ARL1: variants seen among roughly 807,000 people sequenced by gnomAD.
ARL1 encodes ADP-ribosylation factor-like protein 1.
A neutral mutation model predicts 30.1 loss-of-function variants in ARL1; 17 were observed. That is an observed-to-expected ratio of 0.56 (90% confidence interval 0.39 to 0.85). The LOEUF (loss-of-function observed/expected upper bound fraction) is 0.85, where lower values mean the gene tolerates loss of function less well. Ranked by LOEUF, ARL1 falls within the 40% of genes least tolerant of loss-of-function variation. The probability of loss-of-function intolerance (pLI) is 0.00; values close to 1 mark genes in which losing one functional copy is unlikely to be tolerated. For synonymous variants in ARL1, 58 were observed against 71.7 expected (o/e 0.81, Z 0.97); for missense variants, 102 against 212.6 (o/e 0.48, Z 3.24).
At chr12:101,403,849 A>T (rs1871369206) in intron 2 of ARL1, 1 of 152,358 alleles carries the variant, frequency 6.6e-6, no homozygotes, top group Non-Finnish European at 1.5e-5. Flanking sequence ...AATCCCAGCC[A>T]CTCTGGAGGC....
At chr12:101,402,246 G>A (rs530268794) in intron 3 of ARL1, among the ~76,000 whole-genome samples, 1 of 152,064 alleles carries the variant, frequency 6.6e-6, no homozygotes, top group Non-Finnish European at 1.5e-5. Flanking sequence ...GCAGTTGCGC[G>A]ATCTCAGCTC....
At chr12:101,395,718 A>C (rs748105215) in intron 5 of ARL1, 48 bp from the exon 6 acceptor site, 4 of 1,326,706 alleles carry the variant, frequency 3.0e-6, no homozygotes, top group Non-Finnish European at 4.2e-6. Flanking sequence ...TTCAGGTATA[A>C]AGCATGATCA....
At position 101,407,671 on chromosome 12, in the gene ARL1, G is replaced by A; in HGVS notation, c.-26C>T. ...GATGAACCCCCTGTCCTCCCTCGCC[G>A]ATCTTCAGTGATTCCTTGGCCTTCG... On this transcript the variant is annotated 5_prime_UTR_variant, in exon 1 of 6. Coordinates refer to ENST00000261636, the MANE Select transcript of ARL1 (RefSeq NM_001177.6). 2 of 1,612,198 alleles carry A rather than the reference G, an allele frequency of 1.2e-6. No individual in the cohort carries two copies. The highest frequency in any genetic ancestry group is 1.7e-6 in the Non-Finnish European group (2 of 1,179,736).
Position 101,395,461 on chromosome 12 carries a change from G to A in ARL1, c.*179C>T, listed in dbSNP as rs1181644730. ...ATTACATAGAACATTCAGGTGATTC[G>A]ATCAAATTATCCCTCCAACTAAATA... On this transcript the variant is annotated 3_prime_UTR_variant, in exon 6 of 6. Transcript: ENST00000261636. 3.6e-6 allele frequency: 2 copies of A among 554,070 alleles called. No homozygotes were observed. Among genetic ancestry groups the A allele is most frequent in the South Asian group, 2.9e-5 (1 of 34,134 alleles). 34.3% of individuals were successfully genotyped at this position (554,070 alleles called of 1,614,324 possible). A position where few individuals can be genotyped will look rare whatever the true frequency, so the allele number is the denominator to read the frequency against.
chr12:101,397,270 T>C (rs754752300), intron 4 of ARL1, among the ~76,000 whole-genome samples: 8 of 152,170 alleles, frequency 5.3e-5, no homozygotes, highest in Non-Finnish European at 8.8e-5. Context: ...TTTCCAAACA[T>C]AGCATCTCAT....
chr12:101,399,509 TAAAAAAAAAAAAAAAAAAA>T (rs200979843), intron 4 of ARL1, among the ~76,000 whole-genome samples: 6 of 110,528 alleles, frequency 5.4e-5, no homozygotes, highest in South Asian at 2.8e-4. Flanking sequence ...AGACTCTGTC[TAAAAAAAAAAAAAAAAAAA>T]AAAAAAAAAA....
chr12:101,395,506 AC>A lies in ARL1; in HGVS notation c.*133del. 1 of 639,360 alleles carries A rather than the reference AC, an allele frequency of 1.6e-6. No homozygotes were observed. Among genetic ancestry groups the A allele is most frequent in the Non-Finnish European group, 2.7e-6 (1 of 376,464 alleles). 39.6% of individuals were successfully genotyped at this position (639,360 alleles called of 1,614,324 possible). ...TAAATACTTATTTTCCCTATTTACTACAAATATTGCAGTCAGTCAGTATATG... is the reference window on the plus strand; with the variant it reads ...TAAATACTTATTTTCCCTATTTACTAAAATATTGCAGTCAGTCAGTATATG... On this transcript the variant is annotated 3_prime_UTR_variant, in exon 6 of 6. Transcript: ENST00000261636.
At chr12:101,396,253 G>T in intron 5 of ARL1, 146 bp downstream of exon 5, 2 of 1,001,456 alleles carry the variant, frequency 2.0e-6, no homozygotes, top group Non-Finnish European at 1.6e-6. Context: ...GAAGACCAGT[G>T]AGAGAAAACG....
chr12:101,398,396 CAA>C (rs199846146), intron 4 of ARL1, among the ~76,000 whole-genome samples: 16 of 115,006 alleles, frequency 1.4e-4, no homozygotes, highest in Admixed American at 2.6e-4. Flanking sequence ...AACTCCGTCT[CAA>C]AAAAAAAAAA....
At chr12:101,399,508 C>CT (rs1555204693) in intron 4 of ARL1, among the ~76,000 whole-genome samples, 1 of 67,190 alleles carries the variant, frequency 1.5e-5, no homozygotes, top group African/African-American at 7.2e-5. Context: ...AAGACTCTGT[C>CT]TAAAAAAAAA....
At position 101,405,826 on chromosome 12, in the gene ARL1, C is replaced by T; in HGVS notation, c.142+18G>A. 6.5e-7 allele frequency: 1 copy of T among 1,534,250 alleles called. No individual in the cohort carries two copies. Reference sequence around the variant, plus strand: ...GACCAGAAAGTCCCTACAATTAGCTCATCATACCAACACTTACTAGGTATA... The same window carrying T: ...GACCAGAAAGTCCCTACAATTAGCTTATCATACCAACACTTACTAGGTATA... On this transcript the variant is annotated intron_variant, in intron 2 of 5. Coordinates refer to ENST00000261636, the MANE Select transcript of ARL1 (RefSeq NM_001177.6).
chr12:101,396,503 T>C lies in ARL1; in HGVS notation c.411A>G (p.Ser137=), dbSNP rs781451800. Residue 137 remains serine, a synonymous_variant, in exon 5 of 6, where the codon TCA becomes TCG. Transcript: ENST00000261636. ...KQDMEQAMTS[S]EMANSLGLPA... is the part of the protein sequence containing the mutation. ...GTAACCCAAGTGAATTTGCCATCTC[T>C]GAGGAAGTCATGGCCTGTTCCATGT... 1.2e-6 allele frequency: 2 copies of C among 1,614,032 alleles called. No individual in the cohort carries two copies. Among genetic ancestry groups the C allele is most frequent in the Non-Finnish European group, 1.7e-6 (2 of 1,179,898 alleles).
intron 5 of ARL1, chr12:101,396,004 CA>C: frequency 1.9e-6 from 1 of 524,482 alleles, no homozygotes; most frequent in Non-Finnish European, 3.4e-6. Flanking sequence ...TACAAGACAG[CA>C]AAACAAGTAC....
chr12:101,407,708 G>A lies in ARL1; in HGVS notation c.-63C>T. Reference sequence around the variant, plus strand: ...TTCCTTGGCCTTCGGCTGCAGCTCCGAGGCGGTTTCCTCGCAAGCCCAGTC... The same window carrying A: ...TTCCTTGGCCTTCGGCTGCAGCTCCAAGGCGGTTTCCTCGCAAGCCCAGTC... On this transcript the variant is annotated 5_prime_UTR_variant, in exon 1 of 6. Transcript: ENST00000261636. The A allele has an allele frequency of 6.2e-7, 1 of 1,608,800 alleles. No homozygotes were observed. Among genetic ancestry groups the A allele is most frequent in the Non-Finnish European group, 8.5e-7 (1 of 1,178,338 alleles).
intron 5 of ARL1, 169 bp downstream of exon 5, chr12:101,396,230 G>A (rs1871147246): frequency 1.2e-6 from 1 of 825,096 alleles, no homozygotes; most frequent in Non-Finnish European, 2.0e-6. Flanking sequence ...TGGTTGAGAA[G>A]ACAGATGCAC....
At chr12:101,407,508 A>C in intron 1 of ARL1, 134 bp downstream of exon 1, 1 of 1,194,040 alleles carries the variant, frequency 8.4e-7, no homozygotes, top group Admixed American at 2.0e-5. Flanking sequence ...AAAGTGAGTC[A>C]AGTCCTCCGC....
chr12:101,407,394 T>TCCCCAAGC (rs1196971988), intron 1 of ARL1: 1 of 478,114 alleles, frequency 2.1e-6, no homozygotes, highest in Non-Finnish European at 3.7e-6. Flanking sequence ...TCTGCGGACG[T>TCCCCAAGC]CCCCAAGCTG....
At chr12:101,397,227 A>G (rs1256958648) in intron 4 of ARL1, among the ~76,000 whole-genome samples, 1 of 152,218 alleles carries the variant, frequency 6.6e-6, no homozygotes, top group Non-Finnish European at 1.5e-5. Context: ...TCCATCTTCA[A>G]TGCAGCCTTT....
chr12:101,393,480 C>T lies in ARL1; in HGVS notation c.*2160G>A, dbSNP rs1871065660. On this transcript the variant is annotated 3_prime_UTR_variant, in exon 6 of 6. Coordinates refer to ENST00000261636, the MANE Select transcript of ARL1 (RefSeq NM_001177.6). ...TCTGATTTCAAGTTTGGTGTTTTAC[C>T]CATTGCCAGGCCTCTCATAAAACAA... 1 of 152,108 alleles carries T rather than the reference C, an allele frequency of 6.6e-6. No homozygotes were observed. The highest frequency in any genetic ancestry group is 6.6e-5 in the Admixed American group (1 of 15,258). The allele number at this position is 152,108 out of a possible 1,614,324, so 9.4% of individuals were successfully genotyped here.
Sources: gnomAD v4.1 joint callset for allele counts (sites outside exome capture counted in the v4.1 genomes callset) on GRCh38, gnomAD v4.1.1 for gene constraint, MANE v1.5 for transcripts, NCBI Gene and HGNC (gene_info 2026-07-23, HGNC 2026-07-21) for gene names.